GNAQ: variants seen among roughly 807,000 people sequenced by gnomAD.
GNAQ encodes the protein guanine nucleotide-binding protein G(q) subunit alpha.
A neutral mutation model predicts 43.9 loss-of-function variants in GNAQ; 8 were observed. That is an observed-to-expected ratio of 0.18 (90% CI 0.11 to 0.33). The LOEUF is 0.33. Among genes scored for constraint, GNAQ ranks in the 10% least tolerant of loss-of-function variants. GNAQ has a pLI of 1.00. For synonymous variants in GNAQ, 155 were observed against 170.7 expected, an observed-to-expected ratio of 0.91 and a Z score of 0.71; for missense variants, 158 against 450.8, an observed-to-expected ratio of 0.35 and a Z score of 5.88.
chr9:77,884,258 G>A (rs1311542583), intron 2 of GNAQ, among the ~76,000 whole-genome samples: 4 of 152,182 alleles, frequency 2.6e-5, no homozygotes, highest in African/African-American at 9.7e-5. Flanking sequence ...AGCCCCTGTG[G>A]GGGTGTGAAG....
chr9:77,874,134 A>C (rs954204472), intron 2 of GNAQ, among the ~76,000 whole-genome samples: 1 of 151,958 alleles, frequency 6.6e-6, no homozygotes, highest in Non-Finnish European at 1.5e-5. Context: ...ACAAAAAAAC[A>C]AAAAAACAAG....
intron 2 of GNAQ, among the ~76,000 whole-genome samples, chr9:77,879,578 G>A (rs1003960817): frequency 5.3e-5 from 8 of 152,218 alleles, no homozygotes; most frequent in African/African-American, 1.9e-4. Flanking sequence ...CTGGACGTAT[G>A]AGTAATATCT....
At chr9:77,861,857 G>A (rs975736532) in intron 2 of GNAQ, among the ~76,000 whole-genome samples, 10 of 151,942 alleles carry the variant, frequency 6.6e-5, no homozygotes, top group Non-Finnish European at 1.3e-4. Context: ...AAAATTAGCC[G>A]GGCGTGGTGG....
rs1340701677 is a variant in GNAQ at position 77,762,800 on chromosome 9, C to T, written c.735+31663G>A. Among the ~76,000 whole-genome samples the T allele has an allele frequency of 3.3e-5, 5 of 152,148 alleles. No homozygotes were observed. The South Asian group carries it at 6.2e-4, about 19-fold the overall frequency. The stretch of plus-strand genomic sequence containing the variant: ...ATCCTGTTGATCTGTGACCTTAACC[C>T]CCAACCCTGTGCTCTCTGAAACATG... On this transcript the variant is annotated intron_variant, in intron 5 of 6. Transcript: ENST00000286548.
chr9:77,941,048 T>C (rs998010620), intron 1 of GNAQ, among the ~76,000 whole-genome samples: 1 of 152,064 alleles, frequency 6.6e-6, no homozygotes, highest in African/African-American at 2.4e-5. Context: ...AACTAAAAAA[T>C]AATTTAGCTT....
rs952076532 is a variant in GNAQ, at chr9:77,719,568, G to A, written c.*1755C>T. On this transcript the variant is annotated 3_prime_UTR_variant, in exon 7 of 7. Transcript: ENST00000286548. The stretch of plus-strand genomic sequence containing the variant: ...CCTCCCCCTTTGTTGTTCCAAAAGA[G>A]TGATTTATATGGAAGTTTACACTAG... 3 of 232,620 alleles carry A rather than the reference G, an allele frequency of 1.3e-5. No individual in the cohort carries two copies. Among genetic ancestry groups the A allele is most frequent in the Non-Finnish European group, 2.5e-5 (3 of 117,736 alleles). The allele number at this position is 232,620 out of a possible 1,614,324, so 14.4% of individuals were successfully genotyped here. A position where few individuals can be genotyped will look rare whatever the true frequency, so the allele number is the denominator to read the frequency against.
intron 5 of GNAQ, among the ~76,000 whole-genome samples, chr9:77,766,449 C>G (rs977390224): frequency 5.3e-5 from 8 of 152,070 alleles, no homozygotes; most frequent in African/African-American, 1.9e-4. Flanking sequence ...TTTTAAGAAT[C>G]CAGGAGAAAG....
At chr9:77,891,142 A>G (rs1828398530) in intron 2 of GNAQ, among the ~76,000 whole-genome samples, 1 of 152,140 alleles carries the variant, frequency 6.6e-6, no homozygotes, top group Non-Finnish European at 1.5e-5. Context: ...AAAAATGAGA[A>G]CCTTTAGTTT....
chr9:77,766,791 A>G (rs12378392), intron 5 of GNAQ, among the ~76,000 whole-genome samples: 82,561 of 152,032 alleles, frequency 0.54, 25,217 homozygotes, highest in Middle Eastern at 0.69. Context: ...AGGGAAGGAC[A>G]GTCTATAAGG....
At chr9:77,799,926 T>C (rs922123899) in intron 3 of GNAQ, among the ~76,000 whole-genome samples, 1 of 152,178 alleles carries the variant, frequency 6.6e-6, no homozygotes, top group African/African-American at 2.4e-5. Flanking sequence ...GCTGGGAGAA[T>C]ACTGGTGTGA....
At chr9:77,995,926 A>C (rs1229873828) in intron 1 of GNAQ, among the ~76,000 whole-genome samples, 1 of 152,242 alleles carries the variant, frequency 6.6e-6, no homozygotes, top group Non-Finnish European at 1.5e-5. Context: ...CTAGAAGTAA[A>C]AAACTAAGGA....
chr9:77,982,987 T>C (rs1276858426), intron 1 of GNAQ, among the ~76,000 whole-genome samples: 1 of 152,116 alleles, frequency 6.6e-6, no homozygotes, highest in Non-Finnish European at 1.5e-5. Flanking sequence ...ATTAACAAGA[T>C]AAAAACTTTT....
In GNAQ at chr9:77,720,173, T is replaced by C. The variant is rs1177097302; in HGVS notation, c.*1150A>G. ...AAAAGAATGGACCGTGAGAATCAAATTTCTAGTTACAACTGTTTGGCAAAT... is the reference window on the plus strand; with the variant it reads ...AAAAGAATGGACCGTGAGAATCAAACTTCTAGTTACAACTGTTTGGCAAAT... On this transcript the variant is annotated 3_prime_UTR_variant, in exon 7 of 7. Coordinates refer to ENST00000286548, the MANE Select transcript of GNAQ (RefSeq NM_002072.5). The C allele has an allele frequency of 4.3e-6, 1 of 233,178 alleles. No individual in the cohort carries two copies. Among genetic ancestry groups the C allele is most frequent in the African/African-American group, 2.2e-5 (1 of 45,338 alleles). The allele number at this position is 233,178 out of a possible 1,614,324, so 14.4% of individuals were successfully genotyped here. A position where few individuals can be genotyped will look rare whatever the true frequency, so the allele number is the denominator to read the frequency against.
chr9:77,744,286 T>A (rs1825697091), intron 5 of GNAQ, among the ~76,000 whole-genome samples: 1 of 152,186 alleles, frequency 6.6e-6, no homozygotes, highest in Non-Finnish European at 1.5e-5. Context: ...CAGGACTAAC[T>A]GTGGGAAGAA....
At chr9:77,782,717 T>G (rs1826413851) in intron 5 of GNAQ, among the ~76,000 whole-genome samples, 1 of 152,190 alleles carries the variant, frequency 6.6e-6, no homozygotes, top group Non-Finnish European at 1.5e-5. Context: ...GCTTCATTCA[T>G]AAAACTGCCA....
chr9:77,996,583 C>T (rs745666961), intron 1 of GNAQ, among the ~76,000 whole-genome samples: 1 of 147,012 alleles, frequency 6.8e-6, no homozygotes, highest in East Asian at 2.0e-4. Flanking sequence ...GAGGCTGAGG[C>T]AGAAGAATCA....
Position 77,800,886 on chromosome 9 carries a change from C to A in GNAQ, c.477-3238G>T, listed in dbSNP as rs565263043. Among the ~76,000 whole-genome samples, 3 of 152,212 alleles carry A rather than the reference C, an allele frequency of 2.0e-5. No homozygotes were observed. In the East Asian group the frequency reaches 5.8e-4, roughly 29 times the overall value. On this transcript the variant is annotated intron_variant, in intron 3 of 6. Coordinates refer to ENST00000286548, the MANE Select transcript of GNAQ (RefSeq NM_002072.5). ...AAGTTCACCATTTAACTACTGTATA[C>A]AAAAACTTATTTCAGAGGAATCAAA...
intron 5 of GNAQ, among the ~76,000 whole-genome samples, chr9:77,736,421 A>G (rs541531037): frequency 6.6e-6 from 1 of 152,336 alleles, no homozygotes; most frequent in South Asian, 2.1e-4. Flanking sequence ...TCAGCTGAAT[A>G]GATATTATTT....
At position 77,891,249 on chromosome 9, in the gene GNAQ, A is replaced by G. The variant is rs901320469; in HGVS notation, c.321+30912T>C. Among the ~76,000 whole-genome samples the G allele has an allele frequency of 3.3e-5, 5 of 152,130 alleles. No individual in the cohort carries two copies. The East Asian group carries it at 5.8e-4, about 18-fold the overall frequency. ...ATTCTTTTTCTTGCCTATTCTCAGT[A>G]GCCAGCCCTATCACACGTTCTCCTC... On this transcript the variant is annotated intron_variant, in intron 2 of 6. Coordinates refer to ENST00000286548, the MANE Select transcript of GNAQ (RefSeq NM_002072.5).
Sources: allele counts gnomAD v4.1 joint callset (sites outside exome capture counted in the v4.1 genomes callset), GRCh38; gene constraint gnomAD v4.1.1; transcripts MANE v1.5; gene names NCBI Gene and HGNC (gene_info 2026-07-23, HGNC 2026-07-21).